MEGF10: variants seen among roughly 807,000 people sequenced by gnomAD.
MEGF10 encodes multiple epidermal growth factor-like domains protein 10.
Under a neutral mutation model 147.5 loss-of-function variants are expected in MEGF10, and 86 were observed. The observed-to-expected ratio is 0.58, with a 90% CI of 0.49 to 0.70. The LOEUF (loss-of-function observed/expected upper bound fraction) is 0.70, where lower values mean the gene tolerates loss of function less well. Among genes scored for constraint, MEGF10 ranks in the 30% least tolerant of loss-of-function variants. The probability of loss-of-function intolerance (pLI) is 0.00; values close to 1 mark genes in which losing one functional copy is unlikely to be tolerated. For synonymous variants in MEGF10, 478 were observed against 525.5 expected (o/e 0.91, Z 1.24); for missense variants, 1,329 against 1,487.3 (o/e 0.89, Z 1.75).
chr5:127,301,290 A>G (rs2126714164), intron 1 of MEGF10, among the ~76,000 whole-genome samples: 1 of 152,292 alleles, frequency 6.6e-6, no homozygotes, highest in African/African-American at 2.4e-5. Context: ...GGCGCTGCAT[A>G]TATTATACTA....
In MEGF10 at chr5:127,439,980, G is replaced by T. The variant is rs1471565252; in HGVS notation, c.2234-759G>T. On this transcript the variant is annotated intron_variant, in intron 17 of 24. Coordinates refer to ENST00000503335, the MANE Select transcript of MEGF10 (RefSeq NM_001256545.2). ...TCTTGAAAGTTCCATAAGAAAATGA[G>T]AAAATGAAAAGCATATGTAATATTT... 2.0e-5 allele frequency among the ~76,000 whole-genome samples: 3 copies of T among 152,158 alleles called. No individual in the cohort carries two copies. The East Asian group carries it at 5.8e-4, about 29-fold the overall frequency.
chr5:127,414,479 T>A (rs1406756737), intron 9 of MEGF10, among the ~76,000 whole-genome samples: 1 of 152,164 alleles, frequency 6.6e-6, no homozygotes, highest in Non-Finnish European at 1.5e-5. Flanking sequence ...TACAATATCA[T>A]CACAAACATG....
At chr5:127,367,212 G>T (rs1762689796) in intron 4 of MEGF10, among the ~76,000 whole-genome samples, 1 of 152,096 alleles carries the variant, frequency 6.6e-6, no homozygotes, top group Non-Finnish European at 1.5e-5. Flanking sequence ...AAGTGAAAAT[G>T]AAGATAAAAA....
Position 127,418,635 on chromosome 5 carries a change from G to A in MEGF10, c.1306-485G>A, listed in dbSNP as rs902354173. Among the ~76,000 whole-genome samples the A allele has an allele frequency of 9.9e-5, 15 of 152,114 alleles. No homozygotes were observed. In the South Asian group the frequency reaches 1.2e-3, roughly 13 times the overall value. On this transcript the variant is annotated intron_variant, in intron 10 of 24. Coordinates refer to ENST00000503335, the MANE Select transcript of MEGF10 (RefSeq NM_001256545.2). ...AATTCTGCCTTTAATGCTCCCTGTCGGATAAAGTGAATCATGTTGCTGAAT... is the reference window on the plus strand; with the variant it reads ...AATTCTGCCTTTAATGCTCCCTGTCAGATAAAGTGAATCATGTTGCTGAAT...
chr5:127,382,737 C>G (rs992019754), intron 5 of MEGF10, among the ~76,000 whole-genome samples: 2 of 152,050 alleles, frequency 1.3e-5, no homozygotes, highest in Admixed American at 6.5e-5. Context: ...ATGTAAAGAA[C>G]CCCCACAAAT....
chr5:127,383,457 G>GATAA (rs1261492158), intron 5 of MEGF10, among the ~76,000 whole-genome samples: 6 of 151,694 alleles, frequency 4.0e-5, no homozygotes, highest in African/African-American at 7.3e-5. Context: ...GACAGAGTGA[G>GATAA]ATAAATAAAT....
At chr5:127,355,004 A>G (rs1204045624) in intron 4 of MEGF10, among the ~76,000 whole-genome samples, 5 of 152,142 alleles carry the variant, frequency 3.3e-5, no homozygotes, top group South Asian at 2.1e-4. Context: ...GACACATTTA[A>G]TTATTTATCC....
At chr5:127,456,614 G>T (rs1276772951) in intron 24 of MEGF10, among the ~76,000 whole-genome samples, 1 of 152,168 alleles carries the variant, frequency 6.6e-6, no homozygotes, top group Non-Finnish European at 1.5e-5. Context: ...TTTTTAAAAT[G>T]CAAGTCAAAG....
intron 4 of MEGF10, among the ~76,000 whole-genome samples, chr5:127,343,990 C>T (rs1761779896): frequency 6.6e-6 from 1 of 152,112 alleles, no homozygotes; most frequent in African/African-American, 2.4e-5. Context: ...TAGGACCATG[C>T]AGCTTAGTTT....
chr5:127,239,484 T>TAC, the MEGF10 span, among the ~76,000 whole-genome samples: 67 of 145,008 alleles, frequency 4.6e-4, no homozygotes, highest in South Asian at 1.1e-3. Context: ...ATAATATATA[T>TAC]ACACACACAC....
chr5:127,317,836 T>G (rs1580705280), intron 1 of MEGF10, among the ~76,000 whole-genome samples: 1 of 152,060 alleles, frequency 6.6e-6, no homozygotes, highest in Non-Finnish European at 1.5e-5. Context: ...ACCAACATGG[T>G]ACATGTATAC....
intron 4 of MEGF10, among the ~76,000 whole-genome samples, chr5:127,359,440 A>G (rs955688125): frequency 6.6e-6 from 1 of 152,122 alleles, no homozygotes; most frequent in African/African-American, 2.4e-5. Flanking sequence ...AAATATTGAC[A>G]TATGTACACA....
intron 13 of MEGF10, among the ~76,000 whole-genome samples, chr5:127,432,129 G>C (rs746938875): frequency 1.7e-4 from 26 of 152,268 alleles, no homozygotes; most frequent in Non-Finnish European, 1.2e-4. Flanking sequence ...GGTCAAGCTA[G>C]ACACAATGAG....
chr5:127,400,888 G>T (rs956884838), intron 7 of MEGF10, among the ~76,000 whole-genome samples: 1 of 152,078 alleles, frequency 6.6e-6, no homozygotes, highest in African/African-American at 2.4e-5. Context: ...GTGTAGCTGA[G>T]CTTTCAATTT....
At chr5:127,364,711 A>G (rs1005181176) in intron 4 of MEGF10, among the ~76,000 whole-genome samples, 4 of 152,168 alleles carry the variant, frequency 2.6e-5, no homozygotes, top group African/African-American at 9.7e-5. Flanking sequence ...AAGATAAAGT[A>G]TATCTTGGAA....
At chr5:127,334,984 C>G (rs574474382) in intron 2 of MEGF10, among the ~76,000 whole-genome samples, 10 of 152,186 alleles carry the variant, frequency 6.6e-5, no homozygotes, top group African/African-American at 2.2e-4. Context: ...TCTCCTCCCC[C>G]ACTCCCTGGT....
chr5:127,370,716 C>G (rs1056649024), intron 5 of MEGF10, among the ~76,000 whole-genome samples: 1 of 152,134 alleles, frequency 6.6e-6, no homozygotes, highest in African/African-American at 2.4e-5. Context: ...AATACAGTTG[C>G]TTTTCTAAAT....
intron 1 of MEGF10, among the ~76,000 whole-genome samples, chr5:127,327,800 C>T (rs1275114146): frequency 1.3e-5 from 2 of 151,316 alleles, no homozygotes; most frequent in East Asian, 1.9e-4. Context: ...TTGCAGCCTC[C>T]GCCTCCCAGG....
chr5:127,362,091 C>A (rs1762488296), intron 4 of MEGF10, among the ~76,000 whole-genome samples: 2 of 151,860 alleles, frequency 1.3e-5, no homozygotes, highest in Non-Finnish European at 2.9e-5. Flanking sequence ...TTTAATAGTT[C>A]TATCAATTAT....
Sources: allele counts gnomAD v4.1 joint callset (sites outside exome capture counted in the v4.1 genomes callset), GRCh38; gene constraint gnomAD v4.1.1; transcripts MANE v1.5; gene names NCBI Gene and HGNC (gene_info 2026-07-23, HGNC 2026-07-21).